The following RIN2 variants were observed in gnomAD, a reference collection of about 807,000 sequenced individuals.
RIN2 encodes Ras and Rab interactor 2.
A neutral mutation model predicts 78.0 loss-of-function variants in RIN2; 36 were observed. That is an observed-to-expected ratio of 0.46 (90% CI 0.35 to 0.61). The LOEUF (loss-of-function observed/expected upper bound fraction) is 0.61, where lower values mean the gene tolerates loss of function less well. RIN2 is among the 20% of genes least tolerant of loss of function. The pLI, the probability that RIN2 is intolerant of heterozygous loss-of-function variation, is 0.00. For synonymous variants in RIN2, 466 were observed against 466.8 expected (o/e 1.00, Z 0.02); for missense variants, 1,087 against 1,159.7 (o/e 0.94, Z 0.91).
chr20:19,911,424 G>C (rs2039461796), intron 3 of RIN2, among the ~76,000 whole-genome samples: 1 of 152,144 alleles, frequency 6.6e-6, no homozygotes, highest in Non-Finnish European at 1.5e-5. Flanking sequence ...TCTGTTTTCT[G>C]AACCATCTGA....
At chr20:19,933,191 A>T (rs2040503487) in intron 3 of RIN2, among the ~76,000 whole-genome samples, 1 of 152,204 alleles carries the variant, frequency 6.6e-6, no homozygotes, top group Non-Finnish European at 1.5e-5. Flanking sequence ...ACCATAAAAC[A>T]GATGTAAAAT....
chr20:19,959,148 G>T (rs1159224810), intron 5 of RIN2, among the ~76,000 whole-genome samples: 3 of 152,216 alleles, frequency 2.0e-5, no homozygotes, highest in Admixed American at 6.5e-5. Flanking sequence ...ATATGTAAAT[G>T]ATCGAGCGTG....
chr20:19,934,334 A>G (rs2040550593), intron 3 of RIN2: 1 of 236,820 alleles, frequency 4.2e-6, no homozygotes, highest in South Asian at 1.6e-4. Flanking sequence ...GCCACTGTAC[A>G]CTTACAGTGC....
chr20:19,998,517 G>A (rs115072315), intron 12 of RIN2, among the ~76,000 whole-genome samples: 2,035 of 152,224 alleles, frequency 0.013, 44 homozygotes, highest in African/African-American at 0.046. Flanking sequence ...AGGCTAAAGT[G>A]GGAGGATCCG....
At chr20:19,935,012 C>T (rs1321552594) in intron 3 of RIN2, 87 bp from the exon 4 acceptor site, 1 of 893,364 alleles carries the variant, frequency 1.1e-6, no homozygotes, top group Non-Finnish European at 1.8e-6. Context: ...ATCTCTGTTC[C>T]TATTGAAAAG....
chr20:19,848,534 C>CA (rs11352724), intron 2 of RIN2, among the ~76,000 whole-genome samples: 1,461 of 51,928 alleles, frequency 0.028, 36 homozygotes, highest in African/African-American at 0.057. Flanking sequence ...GACTCCATCT[C>CA]AAAAAAAAAA....
chr20:19,866,566 C>T (rs114143876), intron 2 of RIN2, among the ~76,000 whole-genome samples: 2,201 of 152,234 alleles, frequency 0.014, 44 homozygotes, highest in African/African-American at 0.043. Flanking sequence ...TATCAAATTT[C>T]AAGCTTTTAA....
At chr20:19,884,641 T>C (rs911527423) in intron 2 of RIN2, among the ~76,000 whole-genome samples, 1 of 152,182 alleles carries the variant, frequency 6.6e-6, no homozygotes, top group Non-Finnish European at 1.5e-5. Flanking sequence ...AAAAATTTCT[T>C]TCAATTCACA....
intron 2 of RIN2, chr20:19,823,950 G>A (rs926702882): frequency 4.0e-6 from 6 of 1,487,338 alleles, no homozygotes; most frequent in South Asian, 2.3e-5. Flanking sequence ...GCATGGTGGA[G>A]GCAGCTGGTG....
chr20:19,951,002 G>A (rs185409973), intron 4 of RIN2, among the ~76,000 whole-genome samples: 150 of 150,574 alleles, frequency 1.0e-3, no homozygotes, highest in African/African-American at 3.5e-3. Context: ...CAATCCTCCC[G>A]CCTCAGACTC....
intron 2 of RIN2, among the ~76,000 whole-genome samples, chr20:19,845,973 A>G (rs1208078133): frequency 6.6e-6 from 1 of 152,194 alleles, no homozygotes; most frequent in Non-Finnish European, 1.5e-5. Flanking sequence ...AACATCATTT[A>G]TTAAATAGGG....
intron 1 of RIN2, among the ~76,000 whole-genome samples, chr20:19,759,088 C>T (rs1043668913): frequency 6.6e-6 from 1 of 152,202 alleles, no homozygotes; most frequent in Non-Finnish European, 1.5e-5. Flanking sequence ...CCCACCAGCT[C>T]GGCGTCCACC....
chr20:19,903,111 A>T (rs2039059389), intron 3 of RIN2, among the ~76,000 whole-genome samples: 1 of 152,174 alleles, frequency 6.6e-6, no homozygotes, highest in African/African-American at 2.4e-5. Context: ...AAAATAAATA[A>T]AAATAAAATA....
chr20:19,943,581 C>CA lies in RIN2; in HGVS notation c.158+8389dup, dbSNP rs542883043. Among the ~76,000 whole-genome samples the CA allele has an allele frequency of 2.2e-4, 34 of 151,852 alleles. No homozygotes were observed. The East Asian group carries it at 5.2e-3, about 23-fold the overall frequency. Reference sequence around the variant, plus strand: ...TTTTTCCTTTTAGAGTTTAATGGGACAAAAAAAGGCCTTGAGGAATTAAGT... The same window carrying CA: ...TTTTTCCTTTTAGAGTTTAATGGGACAAAAAAAAGGCCTTGAGGAATTAAGT... On this transcript the variant is annotated intron_variant, in intron 4 of 12. Coordinates refer to ENST00000255006, the MANE Select transcript of RIN2 (RefSeq NM_018993.4).
intron 3 of RIN2, 116 bp from the exon 4 acceptor site, chr20:19,934,983 G>T: frequency 1.3e-4 from 69 of 525,000 alleles, no homozygotes; most frequent in Non-Finnish European, 1.9e-4. Flanking sequence ...AAAAAAAAAA[G>T]AAATAGAAAA....
intron 2 of RIN2, among the ~76,000 whole-genome samples, chr20:19,870,356 G>A (rs2037652618): frequency 6.6e-6 from 1 of 152,134 alleles, no homozygotes; most frequent in Non-Finnish European, 1.5e-5. Context: ...TTTTAAGAGT[G>A]ATTCCTCAGG....
chr20:19,838,737 G>T (rs2036493315), intron 2 of RIN2, among the ~76,000 whole-genome samples: 1 of 152,138 alleles, frequency 6.6e-6, no homozygotes, highest in Non-Finnish European at 1.5e-5. Flanking sequence ...TTGCAGACAG[G>T]TTTGGCACTG....
intron 2 of RIN2, among the ~76,000 whole-genome samples, chr20:19,848,306 G>A (rs1234050696): frequency 2.0e-5 from 3 of 151,864 alleles, no homozygotes; most frequent in African/African-American, 2.4e-5. Context: ...AGGCTGAGGT[G>A]GGTGGATCAT....
intron 1 of RIN2, among the ~76,000 whole-genome samples, chr20:19,768,876 T>G (rs1468475787): frequency 3.9e-5 from 6 of 152,044 alleles, no homozygotes; most frequent in Non-Finnish European, 4.4e-5. Context: ...ACAAGATACC[T>G]ATAGATATAT....
Sources: allele counts gnomAD v4.1 joint callset (sites outside exome capture counted in the v4.1 genomes callset), GRCh38; gene constraint gnomAD v4.1.1; transcripts MANE v1.5; gene names NCBI Gene and HGNC (gene_info 2026-07-23, HGNC 2026-07-21).